TLN2: variants seen among roughly 807,000 people sequenced by gnomAD.
TLN2 encodes the protein talin 2, also known as talin-2.
Under a neutral mutation model 294.7 loss-of-function variants are expected in TLN2, and 118 were observed. The ratio of observed to expected loss-of-function variants is 0.40; its 90% CI spans 0.34 to 0.47. The LOEUF is 0.47. Ranked by LOEUF, TLN2 falls within the 20% of genes least tolerant of loss-of-function variation. TLN2 has a pLI of 0.84. For synonymous variants in TLN2, 1,431 were observed against 1,304.5 expected (o/e 1.10, Z -2.09); for missense variants, 3,083 against 3,282.2 (o/e 0.94, Z 1.48).
chr15:62,816,313 C>T (rs560225590), intron 52 of TLN2, among the ~76,000 whole-genome samples: 54 of 152,340 alleles, frequency 3.5e-4, no homozygotes, highest in African/African-American at 1.2e-3. Flanking sequence ...GGACAAAAAG[C>T]CGCTACTTTG....
At chr15:62,694,923 C>A (rs1436555041) in intron 14 of TLN2, among the ~76,000 whole-genome samples, 1 of 152,176 alleles carries the variant, frequency 6.6e-6, no homozygotes, top group African/African-American at 2.4e-5. Flanking sequence ...GGGAAAGTTA[C>A]TAAATTCTCT....
Position 62,588,387 on chromosome 15 carries a change from G to A in TLN2, c.-237-1300G>A, listed in dbSNP as rs144839917. Among the ~76,000 whole-genome samples the A allele has an allele frequency of 4.9e-4, 74 of 151,670 alleles. 1 individual carries two copies. The highest frequency in any genetic ancestry group is 1.6e-3 in the African/African-American group (68 of 41,398). On this transcript the variant is annotated intron_variant, in intron 1 of 58. Coordinates refer to ENST00000636159, the MANE Select transcript of TLN2 (RefSeq NM_015059.3). ...GCAGCGGCTCACACGTGTAATCCCA[G>A]CACTTTGGGAGAACCAGGTGGATGG...
intron 1 of TLN2, among the ~76,000 whole-genome samples, chr15:62,397,428 G>A (rs1171779657): frequency 6.6e-6 from 1 of 151,956 alleles, no homozygotes; most frequent in African/African-American, 2.4e-5. Flanking sequence ...TGGCTAATTT[G>A]TATTTGATAT....
intron 54 of TLN2, among the ~76,000 whole-genome samples, chr15:62,825,868 T>TTA (rs10596547): frequency 0.01 from 895 of 85,484 alleles, 17 homozygotes; most frequent in Middle Eastern, 0.029. Context: ...ATATATATAT[T>TTA]TATATATATA....
At chr15:62,528,864 T>G (rs1350557126) in intron 1 of TLN2, among the ~76,000 whole-genome samples, 1 of 152,136 alleles carries the variant, frequency 6.6e-6, no homozygotes, top group Non-Finnish European at 1.5e-5. Flanking sequence ...GTGTGCTTGT[T>G]TACTTTCTGT....
At chr15:62,802,215 A>C (rs1259494394) in intron 50 of TLN2, among the ~76,000 whole-genome samples, 1 of 152,118 alleles carries the variant, frequency 6.6e-6, no homozygotes, top group African/African-American at 2.4e-5. Flanking sequence ...GAGAACATGC[A>C]AAGTGTGTCT....
At chr15:62,701,892 C>T in intron 17 of TLN2, 100 bp from the exon 18 acceptor site, 1 of 1,344,220 alleles carries the variant, frequency 7.4e-7, no homozygotes, top group Non-Finnish European at 1.0e-6. Flanking sequence ...CTGACTCCTG[C>T]AGGATGGTAG....
chr15:62,829,639 T>C (rs1489668064), intron 54 of TLN2: 1 of 152,166 alleles, frequency 6.6e-6, no homozygotes, highest in Non-Finnish European at 1.5e-5. Flanking sequence ...CATTTATCCT[T>C]TGTGTTACAA....
At chr15:62,753,957 A>T in intron 36 of TLN2, 41 bp downstream of exon 36, 1 of 1,506,608 alleles carries the variant, frequency 6.6e-7, no homozygotes, top group African/African-American at 1.4e-5. Flanking sequence ...GCCCTTAAGC[A>T]GCTCCTCTAG....
intron 1 of TLN2, among the ~76,000 whole-genome samples, chr15:62,450,377 G>C (rs767570254): frequency 5.3e-5 from 8 of 152,078 alleles, no homozygotes; most frequent in Non-Finnish European, 1.2e-4. Flanking sequence ...TAGTTAACTC[G>C]GGCACGAGTT....
intron 26 of TLN2, among the ~76,000 whole-genome samples, chr15:62,723,165 G>A (rs546250177): frequency 6.6e-6 from 1 of 152,346 alleles, no homozygotes; most frequent in African/African-American, 2.4e-5. Flanking sequence ...AAATTGGTAA[G>A]AGAAGAAGGT....
At chr15:62,472,764 A>G (rs1277444583) in intron 1 of TLN2, among the ~76,000 whole-genome samples, 1 of 152,192 alleles carries the variant, frequency 6.6e-6, no homozygotes, top group Non-Finnish European at 1.5e-5. Flanking sequence ...ATGCCCCTAT[A>G]GCCTTTACCT....
chr15:62,735,099 A>G (rs2060938942), intron 28 of TLN2, among the ~76,000 whole-genome samples: 1 of 152,228 alleles, frequency 6.6e-6, no homozygotes. Context: ...ACTATAAAGA[A>G]TATTTGACCT....
intron 53 of TLN2, 21 bp from the exon 54 acceptor site, chr15:62,820,465 C>T: frequency 6.2e-7 from 1 of 1,612,456 alleles, no homozygotes; most frequent in South Asian, 1.1e-5. Context: ...GAAGAATCAC[C>T]TTCTTTTGGA....
chr15:62,694,285 A>AT (rs750491488), intron 13 of TLN2, 31 bp from the exon 14 acceptor site: 2 of 1,612,630 alleles, frequency 1.2e-6, no homozygotes. Context: ...CCTGGTTTTC[A>AT]TTTTTGCATC....
At chr15:62,523,689 A>G (rs1328625578) in intron 1 of TLN2, among the ~76,000 whole-genome samples, 1 of 152,250 alleles carries the variant, frequency 6.6e-6, no homozygotes, top group Non-Finnish European at 1.5e-5. Flanking sequence ...TAGTGGACAC[A>G]CATAGAACAC....
At position 62,829,336 on chromosome 15, in the gene TLN2, C is replaced by T. The variant is rs145431825; in HGVS notation, c.7003-4168C>T. ...GAGGCCTCACAATCATGGCGGAAAG[C>T]GAAGGGGAAGCAAGATACATCTTAT... On this transcript the variant is annotated intron_variant, in intron 54 of 58. Transcript: ENST00000636159. The T allele has an allele frequency of 7.8e-3, 1,181 of 151,936 alleles. 6 individuals are homozygous for T. The highest frequency in any genetic ancestry group is 0.014 in the Non-Finnish European group (929 of 67,978). 9.4% of individuals were successfully genotyped at this position (151,936 alleles called of 1,614,324 possible). A position where few individuals can be genotyped will look rare whatever the true frequency, so the allele number is the denominator to read the frequency against.
chr15:62,739,986 C>G (rs765891804), intron 31 of TLN2, among the ~76,000 whole-genome samples: 10 of 151,808 alleles, frequency 6.6e-5, no homozygotes, highest in Non-Finnish European at 8.8e-5. Context: ...ACAGATAAAC[C>G]CCTTGTTTAG....
At chr15:62,651,182 C>G in intron 5 of TLN2, among the ~76,000 whole-genome samples, 1 of 152,250 alleles carries the variant, frequency 6.6e-6, no homozygotes, top group East Asian at 1.9e-4. Context: ...AGTCACCTCC[C>G]TCTGCTAATT....
Sources: gnomAD v4.1 joint callset for allele counts (sites outside exome capture counted in the v4.1 genomes callset) on GRCh38, gnomAD v4.1.1 for gene constraint, MANE v1.5 for transcripts, NCBI Gene and HGNC (gene_info 2026-07-23, HGNC 2026-07-21) for gene names.